Variants in CARMIL1 observed in about 807,000 individuals in gnomAD.
CARMIL1 encodes F-actin-uncapping protein LRRC16A.
In CARMIL1, 90 loss-of-function variants were observed where a neutral mutation model predicts 177.1. That is an observed-to-expected ratio of 0.51 (90% CI 0.43 to 0.61). The LOEUF (loss-of-function observed/expected upper bound fraction) is 0.61. Among genes scored for constraint, CARMIL1 ranks in the 20% least tolerant of loss-of-function variants. The pLI, the probability that CARMIL1 is intolerant of heterozygous loss-of-function variation, is 0.00. For synonymous variants in CARMIL1, 577 were observed against 606.2 expected (o/e 0.95, Z 0.71); for missense variants, 1,380 against 1,667.0 (o/e 0.83, Z 3.00).
chr6:25,404,778 G>T (rs1167781241), intron 2 of CARMIL1, among the ~76,000 whole-genome samples: 1 of 147,508 alleles, frequency 6.8e-6, no homozygotes, highest in African/African-American at 2.5e-5. Flanking sequence ...AAAAATAGAG[G>T]TGCAGTGTTC....
rs577749375 is a variant in CARMIL1 at position 25,429,386 on chromosome 6, AC to A, written c.249+2829del. ...TGAATCATAAAATCCTATGTCTCTGACCCAGGCGTCTCCTGTCTTCTGCAGC... is the reference window on the plus strand; with the variant it reads ...TGAATCATAAAATCCTATGTCTCTGACCAGGCGTCTCCTGTCTTCTGCAGC... On this transcript the variant is annotated intron_variant, in intron 4 of 36. Transcript: ENST00000329474. Among the ~76,000 whole-genome samples, 98 of 149,366 alleles carry A rather than the reference AC, an allele frequency of 6.6e-4. 4 individuals carry two copies. The South Asian group carries it at 0.02, about 30-fold the overall frequency.
At chr6:25,307,180 C>T (rs1160466796) in intron 2 of CARMIL1, among the ~76,000 whole-genome samples, 3 of 152,186 alleles carry the variant, frequency 2.0e-5, no homozygotes, top group Admixed American at 6.5e-5. Flanking sequence ...CGCGCCCGGT[C>T]GCCCTGGTCC....
chr6:25,458,364 C>G (rs1203284482), intron 8 of CARMIL1, among the ~76,000 whole-genome samples: 1 of 151,886 alleles, frequency 6.6e-6, no homozygotes, highest in Non-Finnish European at 1.5e-5. Flanking sequence ...GGCACGTCGC[C>G]TGTAGCCCCA....
chr6:25,600,661 G>A lies in CARMIL1; in HGVS notation c.3467G>A (p.Arg1156Gln), dbSNP rs750287271. The change falls in exon 33 of 37, where the codon CGG becomes CAG. Residue 1156 changes from arginine to glutamine, a missense_variant. By Grantham distance (43) the Arg-to-Gln change is conservative. Transcript: ENST00000329474. ...SDSKSSPQAG[R>Q]RYGVQVMGSG... ...AGCAAGAGCAGCCCACAGGCAGGGC[G>A]GAGGTATGGGGTCCAGGTGATGGGC... is the stretch of plus-strand genomic sequence containing the variant. 42 of 1,611,908 alleles carry A rather than the reference G, an allele frequency of 2.6e-5. No individual in the cohort carries two copies. The highest frequency in any genetic ancestry group is 3.1e-5 in the Non-Finnish European group (37 of 1,178,936).
intron 29 of CARMIL1, among the ~76,000 whole-genome samples, chr6:25,566,607 TCTTA>T (rs568442938): frequency 3.3e-5 from 5 of 152,254 alleles, no homozygotes; most frequent in Non-Finnish European, 7.3e-5. Context: ...CTTGAAGTGA[TCTTA>T]CTTACTTGTG....
chr6:25,376,009 G>C (rs1045536581), intron 2 of CARMIL1, among the ~76,000 whole-genome samples: 1 of 152,096 alleles, frequency 6.6e-6, no homozygotes, highest in Non-Finnish European at 1.5e-5. Flanking sequence ...TCTTGGTTTG[G>C]ATCCATTGCA....
At chr6:25,442,069 G>A (rs190362321) in intron 5 of CARMIL1, among the ~76,000 whole-genome samples, 133 of 152,130 alleles carry the variant, frequency 8.7e-4, no homozygotes, top group African/African-American at 2.9e-3. Flanking sequence ...TTTTGTTGTG[G>A]TGTGGCTTGC....
chr6:25,420,329 G>C, intron 3 of CARMIL1, 165 bp downstream of exon 3: 1 of 687,946 alleles, frequency 1.5e-6, no homozygotes, highest in Non-Finnish European at 2.5e-6. Flanking sequence ...GCTGTGTTCA[G>C]ATTTCTCTTA....
At chr6:25,377,607 G>T (rs1158693868) in intron 2 of CARMIL1, among the ~76,000 whole-genome samples, 2 of 152,162 alleles carry the variant, frequency 1.3e-5, no homozygotes, top group Non-Finnish European at 2.9e-5. Flanking sequence ...GATGGCAGGG[G>T]AGTGCTGTGA....
chr6:25,320,552 C>T (rs767620719), intron 2 of CARMIL1, among the ~76,000 whole-genome samples: 1 of 152,242 alleles, frequency 6.6e-6, no homozygotes, highest in Non-Finnish European at 1.5e-5. Flanking sequence ...ATTTTATCCA[C>T]CCTCTACCCC....
chr6:25,333,280 C>T (rs71555189), intron 2 of CARMIL1, among the ~76,000 whole-genome samples: 20,551 of 152,082 alleles, frequency 0.14, 1,441 homozygotes, highest in Middle Eastern at 0.19. Flanking sequence ...AATGAATATG[C>T]GGCTGGGCAT....
At chr6:25,306,670 T>G (rs1783297448) in intron 2 of CARMIL1, among the ~76,000 whole-genome samples, 1 of 152,222 alleles carries the variant, frequency 6.6e-6, no homozygotes. Context: ...ATATACCAAT[T>G]TTTAAAAAAG....
intron 29 of CARMIL1, among the ~76,000 whole-genome samples, chr6:25,576,143 AATT>A (rs1489330819): frequency 1.3e-5 from 2 of 152,122 alleles, no homozygotes; most frequent in Non-Finnish European, 2.9e-5. Context: ...ATTTCAGAAT[AATT>A]ATCATTCATT....
intron 8 of CARMIL1, among the ~76,000 whole-genome samples, chr6:25,459,940 G>A (rs1255023075): frequency 6.6e-6 from 1 of 152,202 alleles, no homozygotes; most frequent in East Asian, 1.9e-4. Context: ...AGTTTCTTAG[G>A]ATGTCAAAGC....
chr6:25,577,591 C>T lies in CARMIL1; in HGVS notation c.2743-3333C>T, dbSNP rs547809449. 4.2e-4 allele frequency among the ~76,000 whole-genome samples: 63 copies of T among 151,790 alleles called. No individual in the cohort carries two copies. The highest frequency in any genetic ancestry group is 1.5e-3 in the African/African-American group (63 of 41,394). On this transcript the variant is annotated intron_variant, in intron 29 of 36. Transcript: ENST00000329474. This position sits in a 1 kb window ranked among gnomAD's most constrained non-coding sequence, Gnocchi z 4.5. ...CTTTCTATTTTTATGGTGACTTAAG[C>T]AACTTGACTCTCATTTTTTTAAAAA...
Position 25,492,006 on chromosome 6 carries a change from G to C in CARMIL1, c.1202G>C (p.Arg401Thr). 6.2e-7 allele frequency: 1 copy of C among 1,613,542 alleles called. No homozygotes were observed. The highest frequency in any genetic ancestry group is 1.1e-5 in the South Asian group (1 of 91,050). ...TATTTAGCTGTGCTCAACCTCTCCA[G>C]AACTGTCTTCTCTCACCGGTATAGA... is the stretch of plus-strand genomic sequence containing the variant. ...LQYLAVLNLS[R>T]TVFSHRKGKE... Residue 401 changes from arginine to threonine, a missense_variant, in exon 15 of 37, where the codon AGA (arginine) becomes ACA (threonine). Physicochemically the swap from Arg to Thr is moderately conservative, Grantham distance 71. Transcript: ENST00000329474.
At chr6:25,392,500 A>G (rs1003160700) in intron 2 of CARMIL1, among the ~76,000 whole-genome samples, 2 of 152,156 alleles carry the variant, frequency 1.3e-5, no homozygotes, top group African/African-American at 2.4e-5. Flanking sequence ...CTTTTCTCCT[A>G]TAGGATAAGC....
rs1418240643 is a variant in CARMIL1, at chr6:25,361,384, CT to C, written c.139-58729del. Reference sequence around the variant, plus strand: ...GGGGAAAGTCTTTACCTTTCCCCCCCTGCACACTCCTCCCACCCCACCCTTC... The same window carrying C: ...GGGGAAAGTCTTTACCTTTCCCCCCCGCACACTCCTCCCACCCCACCCTTC... On this transcript the variant is annotated intron_variant, in intron 2 of 36. Coordinates refer to ENST00000329474, the MANE Select transcript of CARMIL1 (RefSeq NM_017640.6). Among the ~76,000 whole-genome samples the C allele has an allele frequency of 4.6e-5, 7 of 152,166 alleles. No individual in the cohort carries two copies. In the East Asian group the frequency reaches 7.7e-4, roughly 17 times the overall value.
intron 2 of CARMIL1, among the ~76,000 whole-genome samples, chr6:25,383,152 A>ATGTCACAG (rs1159785874): frequency 2.0e-5 from 3 of 152,146 alleles, no homozygotes; most frequent in African/African-American, 7.2e-5. Context: ...GGACATTTAA[A>ATGTCACAG]TGTCACAGTG....
Sources: allele counts gnomAD v4.1 joint callset (sites outside exome capture counted in the v4.1 genomes callset), GRCh38; gene constraint gnomAD v4.1.1; non-coding constraint Gnocchi (gnomAD v3.1); transcripts MANE v1.5; gene names NCBI Gene and HGNC (gene_info 2026-07-23, HGNC 2026-07-21).